MPP7: variants seen among roughly 807,000 people sequenced by gnomAD.
MPP7 encodes MAGUK p55 subfamily member 7.
A neutral mutation model predicts 76.5 loss-of-function variants in MPP7; 60 were observed. The observed-to-expected ratio is 0.78, with a 90% CI of 0.64 to 0.97. MPP7 has a LOEUF of 0.97. MPP7 is among the 50% of genes least tolerant of loss of function. The pLI is 0.00. For missense variants in MPP7, 641 were observed against 694.0 expected (o/e 0.92, Z 0.86); for synonymous variants, 237 against 244.5 (o/e 0.97, Z 0.29).
intron 11 of MPP7, among the ~76,000 whole-genome samples, chr10:28,098,732 T>C (rs948374129): frequency 4.6e-5 from 7 of 152,046 alleles, no homozygotes; most frequent in African/African-American, 1.7e-4. Flanking sequence ...TTTCAGTGAT[T>C]ATGGTAATAG....
chr10:28,066,703 T>C (rs1852000749), intron 13 of MPP7, among the ~76,000 whole-genome samples: 1 of 152,104 alleles, frequency 6.6e-6, no homozygotes, highest in African/African-American at 2.4e-5. Context: ...CCCAAATCCT[T>C]GAGATTTCTA....
chr10:28,313,167 A>AC (rs1841298848), intron 2 of MPP7, among the ~76,000 whole-genome samples: 3 of 152,216 alleles, frequency 2.0e-5, no homozygotes, highest in Non-Finnish European at 2.9e-5. Flanking sequence ...AAGGAACTTA[A>AC]TAGTTAACTC....
intron 1 of MPP7, among the ~76,000 whole-genome samples, chr10:28,301,529 T>C (rs1841155223): frequency 6.6e-6 from 1 of 152,244 alleles, no homozygotes; most frequent in Non-Finnish European, 1.5e-5. Flanking sequence ...GACCTGTGTA[T>C]ACGGGATCAA....
In MPP7 at chr10:28,153,497, A is replaced by G. The variant is rs1308002430; in HGVS notation, c.157-3438T>C. Among the ~76,000 whole-genome samples, 11 of 152,300 alleles carry G rather than the reference A, an allele frequency of 7.2e-5. No homozygotes were observed. The South Asian group carries it at 1.7e-3, about 23-fold the overall frequency. On this transcript the variant is annotated intron_variant, in intron 3 of 16. Coordinates refer to ENST00000683449, the MANE Select transcript of MPP7 (RefSeq NM_001318170.2). ...AAAGGACATTTCAAAATCTATATAC[A>G]TTATGCTCTATGTATATGTCCATAA...
At chr10:28,137,546 A>G (rs1835387990) in intron 5 of MPP7, among the ~76,000 whole-genome samples, 1 of 152,242 alleles carries the variant, frequency 6.6e-6, no homozygotes, top group Non-Finnish European at 1.5e-5. Context: ...TATTTTTTCT[A>G]CTTAGCTTTG....
chr10:28,215,581 T>A (rs557007701), intron 2 of MPP7, among the ~76,000 whole-genome samples: 1 of 152,056 alleles, frequency 6.6e-6, no homozygotes, highest in East Asian at 1.9e-4. Context: ...GGTGCTGAAG[T>A]GAGGAACAGA....
At chr10:28,102,147 C>T (rs1430353496) in intron 11 of MPP7, among the ~76,000 whole-genome samples, 1 of 152,008 alleles carries the variant, frequency 6.6e-6, no homozygotes, top group Non-Finnish European at 1.5e-5. Flanking sequence ...GTTATTATTA[C>T]AATTTAATTT....
chr10:28,311,894 T>C (rs556044478), intron 2 of MPP7, among the ~76,000 whole-genome samples: 1 of 152,294 alleles, frequency 6.6e-6, no homozygotes, highest in South Asian at 2.1e-4. Flanking sequence ...CTTTTATCTA[T>C]AGTGTTTGAA....
intron 11 of MPP7, among the ~76,000 whole-genome samples, chr10:28,106,143 T>A (rs553843867): frequency 2.0e-5 from 3 of 152,346 alleles, no homozygotes; most frequent in African/African-American, 4.8e-5. Flanking sequence ...ATGCTTAACT[T>A]CACCTGCTAG....
chr10:28,227,472 C>A (rs184818703), intron 2 of MPP7, among the ~76,000 whole-genome samples: 149 of 152,176 alleles, frequency 9.8e-4, no homozygotes, highest in African/African-American at 3.5e-3. Flanking sequence ...TCCCCCACCC[C>A]CAACCCCCGA....
intron 11 of MPP7, among the ~76,000 whole-genome samples, chr10:28,104,140 A>G (rs1853964117): frequency 6.6e-6 from 1 of 152,176 alleles, no homozygotes; most frequent in Admixed American, 6.6e-5. Flanking sequence ...AGGTGAAAAG[A>G]AAAATACCTA....
chr10:28,332,444 T>C (rs1316218181), intron 1 of MPP7, among the ~76,000 whole-genome samples: 1 of 152,200 alleles, frequency 6.6e-6, no homozygotes, highest in Non-Finnish European at 1.5e-5. Context: ...TATTTTACAG[T>C]TGGCAGTTTA....
Position 28,147,463 on chromosome 10 carries a change from C to G in MPP7, c.315+20G>C. On this transcript the variant is annotated intron_variant, in intron 5 of 16. Coordinates refer to ENST00000683449, the MANE Select transcript of MPP7 (RefSeq NM_001318170.2). ...TGGCCCTGTTTGAAGGTATTTATTA[C>G]CGGCGTAACATGTCCTCACCTTCAC... 6.2e-7 allele frequency: 1 copy of G among 1,600,082 alleles called. No homozygotes were observed. The highest frequency in any genetic ancestry group is 8.6e-7 in the Non-Finnish European group (1 of 1,167,282).
chr10:28,151,338 T>C (rs1339296250), intron 3 of MPP7, among the ~76,000 whole-genome samples: 2 of 152,194 alleles, frequency 1.3e-5, no homozygotes, highest in Non-Finnish European at 2.9e-5. Flanking sequence ...TTAAAGACTG[T>C]AAGCTATAAA....
At chr10:28,271,624 A>T (rs1453117348) in intron 1 of MPP7, among the ~76,000 whole-genome samples, 1 of 152,132 alleles carries the variant, frequency 6.6e-6, no homozygotes, top group Non-Finnish European at 1.5e-5. Flanking sequence ...CCTATTTGAA[A>T]TTCATAGATA....
At chr10:28,131,775 C>T (rs1835201940) in intron 5 of MPP7, 84 bp from the exon 6 acceptor site, 2 of 680,906 alleles carry the variant, frequency 2.9e-6, no homozygotes, top group Non-Finnish European at 3.8e-6. Flanking sequence ...TCAAACACAT[C>T]AAACTATAAG....
intron 5 of MPP7, among the ~76,000 whole-genome samples, chr10:28,146,567 C>T (rs556306856): frequency 1.3e-5 from 2 of 151,834 alleles, no homozygotes; most frequent in Non-Finnish European, 1.5e-5. Flanking sequence ...TGTTTTTAAC[C>T]TCATCTTTTA....
chr10:28,179,562 A>G (rs1004553403), intron 3 of MPP7, among the ~76,000 whole-genome samples: 1 of 152,246 alleles, frequency 6.6e-6, no homozygotes, highest in Non-Finnish European at 1.5e-5. Flanking sequence ...ACAACTCATT[A>G]CATGAAATAA....
chr10:28,120,477 A>G (rs902884520), intron 9 of MPP7, 87 bp from the exon 10 acceptor site: 2 of 1,486,800 alleles, frequency 1.3e-6, no homozygotes, highest in Middle Eastern at 3.5e-4. Context: ...CTCCAAACAT[A>G]GTAATTTTAA....
Sources: allele counts gnomAD v4.1 joint callset (sites outside exome capture counted in the v4.1 genomes callset), GRCh38; gene constraint gnomAD v4.1.1; transcripts MANE v1.5; gene names NCBI Gene and HGNC (gene_info 2026-07-23, HGNC 2026-07-21).